Variants in GCNT2 observed in about 807,000 individuals in gnomAD.
GCNT2 encodes the protein glucosaminyl (N-acetyl) transferase 2 (I blood group).
A neutral mutation model predicts 34.2 loss-of-function variants in GCNT2; 34 were observed. The observed-to-expected ratio is 1.00, with a 90% CI of 0.76 to 1.32. The LOEUF (loss-of-function observed/expected upper bound fraction) is 1.32, where lower values mean the gene tolerates loss of function less well. Ranked by LOEUF, GCNT2 falls within the 40% of genes most tolerant of loss-of-function variation. The probability of loss-of-function intolerance (pLI) is 0.00; values close to 1 mark genes in which losing one functional copy is unlikely to be tolerated. For synonymous variants in GCNT2, 212 were observed against 188.0 expected (o/e 1.13, Z -1.04); for missense variants, 584 against 489.4 (o/e 1.19, Z -1.82).
At chr6:10,574,437 C>T (rs1449622810) in intron 3 of GCNT2, among the ~76,000 whole-genome samples, 1 of 152,214 alleles carries the variant, frequency 6.6e-6, no homozygotes, top group Non-Finnish European at 1.5e-5. Flanking sequence ...TACAAATCCA[C>T]CCCTTTGCAC....
intron 3 of GCNT2, among the ~76,000 whole-genome samples, chr6:10,542,427 T>C (rs1480949654): frequency 6.6e-6 from 1 of 152,208 alleles, no homozygotes. Context: ...GTGTACAATG[T>C]AATGATTTTT....
chr6:10,554,556 C>T (rs2113651184), intron 3 of GCNT2, among the ~76,000 whole-genome samples: 1 of 150,754 alleles, frequency 6.6e-6, no homozygotes, highest in East Asian at 1.9e-4. Flanking sequence ...CAAACTGTAA[C>T]TATTTTAATG....
intron 3 of GCNT2, chr6:10,582,004 TTA>T (rs956879910): frequency 8.1e-5 from 19 of 234,616 alleles, no homozygotes; most frequent in Middle Eastern, 4.7e-3. Context: ...ATAAATATAT[TTA>T]TGTGTATATA....
intron 3 of GCNT2, among the ~76,000 whole-genome samples, chr6:10,548,985 C>T (rs1762376597): frequency 6.6e-6 from 1 of 152,188 alleles, no homozygotes; most frequent in Non-Finnish European, 1.5e-5. Flanking sequence ...TCTTGAACTC[C>T]TGACCTCGTG....
At chr6:10,555,324 A>G (rs1762647101) in intron 3 of GCNT2, among the ~76,000 whole-genome samples, 1 of 152,174 alleles carries the variant, frequency 6.6e-6, no homozygotes, top group Non-Finnish European at 1.5e-5. Context: ...TTTCCAAGTA[A>G]AACAGCTTCA....
At chr6:10,539,178 C>CTGTTTTTTT (rs1165356992) in intron 3 of GCNT2, among the ~76,000 whole-genome samples, 1 of 69,456 alleles carries the variant, frequency 1.4e-5, no homozygotes, top group Non-Finnish European at 3.2e-5. Flanking sequence ...AGCTCACCGT[C>CTGTTTTTTT]TCTTTTTTTT....
At chr6:10,552,754 G>GC (rs1762537514) in intron 3 of GCNT2, among the ~76,000 whole-genome samples, 1 of 152,142 alleles carries the variant, frequency 6.6e-6, no homozygotes, top group African/African-American at 2.4e-5. Flanking sequence ...GAATTGGACT[G>GC]CCAGCATTCT....
chr6:10,530,024 C>T (rs1284633334), intron 3 of GCNT2, 188 bp downstream of exon 3: 7 of 585,372 alleles, frequency 1.2e-5, no homozygotes, highest in East Asian at 5.8e-5. Flanking sequence ...TCTTGTGAAC[C>T]GCTCTGTTCA....
intron 3 of GCNT2, among the ~76,000 whole-genome samples, chr6:10,539,369 A>G (rs1015967575): frequency 6.6e-6 from 1 of 151,492 alleles, no homozygotes; most frequent in Non-Finnish European, 1.5e-5. Flanking sequence ...TTGTATTTTT[A>G]GTAGAGACGG....
chr6:10,542,466 C>T (rs1250083118), intron 3 of GCNT2, among the ~76,000 whole-genome samples: 2 of 152,182 alleles, frequency 1.3e-5, no homozygotes, highest in Non-Finnish European at 2.9e-5. Context: ...CAACCATGAT[C>T]CCCGGCTAAT....
chr6:10,544,513 A>G (rs1452740883), intron 3 of GCNT2, among the ~76,000 whole-genome samples: 2 of 149,490 alleles, frequency 1.3e-5, no homozygotes, highest in Non-Finnish European at 3.0e-5. Context: ...GCTGAGGCAG[A>G]GAATTGCTTG....
At chr6:10,537,727 CAAA>C (rs1462820060) in intron 3 of GCNT2, among the ~76,000 whole-genome samples, 1 of 97,012 alleles carries the variant, frequency 1.0e-5, no homozygotes, top group Admixed American at 1.1e-4. Context: ...AAAAAAAAAA[CAAA>C]ACAAAGAAAA....
At chr6:10,557,028 T>C (rs911875612) in intron 3 of GCNT2, 1 of 1,613,294 alleles carries the variant, frequency 6.2e-7, no homozygotes, top group Non-Finnish European at 8.5e-7. Context: ...AAGGAAATAG[T>C]TCAGTATCTG....
Position 10,578,078 on chromosome 6 carries a change from C to T in GCNT2, c.926-43273C>T, listed in dbSNP as rs530649643. On this transcript the variant is annotated intron_variant, in intron 3 of 4. Coordinates refer to ENST00000495262, the MANE Select transcript of GCNT2 (RefSeq NM_145649.5). ...TGTTGGGTACCTCTGCTCTGCACTGCTATTTTCAGTGGTAAAGAGTAGATG... is the reference window on the plus strand; with the variant it reads ...TGTTGGGTACCTCTGCTCTGCACTGTTATTTTCAGTGGTAAAGAGTAGATG... Among the ~76,000 whole-genome samples, 3 of 152,212 alleles carry T rather than the reference C, an allele frequency of 2.0e-5. No individual in the cohort carries two copies. In the South Asian group the frequency reaches 6.2e-4, roughly 32 times the overall value.
intron 3 of GCNT2, among the ~76,000 whole-genome samples, chr6:10,576,916 A>G (rs1763842502): frequency 6.6e-6 from 1 of 151,058 alleles, no homozygotes; most frequent in East Asian, 1.9e-4. Flanking sequence ...TCTAAAAATA[A>G]TAACAATAAT....
intron 3 of GCNT2, chr6:10,573,003 C>G (rs1763621480): frequency 5.8e-6 from 1 of 171,728 alleles, no homozygotes; most frequent in Admixed American, 6.5e-5. Context: ...GGGAAAGGAG[C>G]TAGTATAAGA....
chr6:10,578,966 GAA>G (rs1202606235), intron 3 of GCNT2, among the ~76,000 whole-genome samples: 1 of 152,200 alleles, frequency 6.6e-6, no homozygotes, highest in Non-Finnish European at 1.5e-5. Context: ...TCTGGTATGA[GAA>G]AGTTAAGCTT....
At chr6:10,609,539 C>T (rs1287406464) in intron 3 of GCNT2, among the ~76,000 whole-genome samples, 1 of 152,158 alleles carries the variant, frequency 6.6e-6, no homozygotes. Flanking sequence ...TTTTGGGGGA[C>T]ACATTCAAAC....
intron 3 of GCNT2, among the ~76,000 whole-genome samples, chr6:10,541,096 G>A (rs946893229): frequency 1.5e-4 from 23 of 151,096 alleles, no homozygotes; most frequent in Non-Finnish European, 3.1e-4. Context: ...TGGTTTACCC[G>A]CACAGATCAT....
Sources: allele counts gnomAD v4.1 joint callset (sites outside exome capture counted in the v4.1 genomes callset), GRCh38; gene constraint gnomAD v4.1.1; transcripts MANE v1.5; gene names NCBI Gene and HGNC (gene_info 2026-07-23, HGNC 2026-07-21).